Variants in ARL9 observed in about 807,000 individuals in gnomAD.
ARL9 encodes ADP-ribosylation factor-like protein 9.
ARL9 carries 14 observed loss-of-function variants against 27.0 expected under a neutral mutation model. That is an observed-to-expected ratio of 0.52 (90% confidence interval 0.34 to 0.81). The LOEUF (loss-of-function observed/expected upper bound fraction) is 0.81, where lower values mean the gene tolerates loss of function less well. Among genes scored for constraint, ARL9 ranks in the 30% least tolerant of loss-of-function variants. The pLI, the probability that ARL9 is intolerant of heterozygous loss-of-function variation, is 0.01. For synonymous variants in ARL9, 106 were observed against 108.7 expected, an observed-to-expected ratio of 0.98 and a Z score of 0.15; for missense variants, 294 against 290.0, an observed-to-expected ratio of 1.01 and a Z score of -0.10.
intron 2 of ARL9, 73 bp from the exon 3 acceptor site, chr4:56,518,605 C>G: frequency 7.5e-7 from 1 of 1,339,514 alleles, no homozygotes; most frequent in Non-Finnish European, 1.0e-6. Context: ...CTAGATGTGC[C>G]CTCCCTGCTC....
In ARL9 at chr4:56,518,847, CAA is replaced by C. The variant is rs1721841038; in HGVS notation, c.614_615del (p.Lys205ThrfsTer4). On this transcript the variant is annotated frameshift_variant, in exon 3 of 4. Coordinates refer to ENST00000640821, the MANE Select transcript of ARL9 (RefSeq NM_001363794.2). LOFTEE classifies it high-confidence loss of function. Reference protein sequence around the residue: ...PVLPLVVFANKQDLEAAYHIT... With the variant: ...PVLPLVVFANXQDLEAAYHIT... ...TACTTCCTCTGGTTGTGTTTGCAAA[CAA>C]ACAGGTAAAAATCTGTGCAAATATA... is the stretch of plus-strand genomic sequence containing the variant. 1 of 1,612,814 alleles carries C rather than the reference CAA, an allele frequency of 6.2e-7. No homozygotes were observed. Among genetic ancestry groups the C allele is most frequent in the African/African-American group, 1.3e-5 (1 of 74,882 alleles).
intron 2 of ARL9, among the ~76,000 whole-genome samples, chr4:56,515,978 A>T (rs983479088): frequency 2.0e-5 from 3 of 152,210 alleles, no homozygotes; most frequent in African/African-American, 7.2e-5. Flanking sequence ...GCAAAGGGGT[A>T]AAGAAAGCCA....
intron 2 of ARL9, among the ~76,000 whole-genome samples, chr4:56,513,285 G>A (rs1721687834): frequency 6.6e-6 from 1 of 152,194 alleles, no homozygotes; most frequent in Non-Finnish European, 1.5e-5. Flanking sequence ...AACACTTGGA[G>A]TATGTTGGGG....
At chr4:56,508,602 T>C (rs1334169701) in intron 1 of ARL9, among the ~76,000 whole-genome samples, 2 of 152,188 alleles carry the variant, frequency 1.3e-5, no homozygotes, top group African/African-American at 4.8e-5. Flanking sequence ...GTCAGGCTGG[T>C]CTCGAACTCC....
At chr4:56,516,592 AAAAAAAAAAAG>A (rs1352313398) in intron 2 of ARL9, among the ~76,000 whole-genome samples, 1 of 114,768 alleles carries the variant, frequency 8.7e-6, no homozygotes, top group African/African-American at 4.1e-5. Context: ...GGCAAAAAAA[AAAAAAAAAAAG>A]AAAAAGAAAA....
chr4:56,505,734 C>T (rs750141418), upstream of ARL9: 973 of 1,386,558 alleles, frequency 7.0e-4, 1 homozygote, highest in Non-Finnish European at 8.6e-4. Context: ...TGGCAGCGCC[C>T]GCGGGTTGTC....
chr4:56,507,564 G>A (rs1455196173), intron 1 of ARL9, among the ~76,000 whole-genome samples: 1 of 150,464 alleles, frequency 6.6e-6, no homozygotes, highest in Non-Finnish European at 1.5e-5. Flanking sequence ...ATCCACCCGC[G>A]TTGGCCTCCC....
At chr4:56,512,025 C>T (rs1721650666) in intron 2 of ARL9, among the ~76,000 whole-genome samples, 1 of 152,168 alleles carries the variant, frequency 6.6e-6, no homozygotes, top group Non-Finnish European at 1.5e-5. Flanking sequence ...GTTGCTCTAG[C>T]CAGAAACCTG....
chr4:56,505,476 G>T (rs1721424095), upstream of ARL9: 2 of 468,548 alleles, frequency 4.3e-6, no homozygotes, highest in Non-Finnish European at 8.5e-6. Context: ...TGCGGCCCAC[G>T]TGGAAGGCTC....
chr4:56,518,138 G>A (rs986010989), intron 2 of ARL9, among the ~76,000 whole-genome samples: 2 of 151,820 alleles, frequency 1.3e-5, no homozygotes, highest in Non-Finnish European at 2.9e-5. Flanking sequence ...TCTCTAGTCG[G>A]TAGCACCACA....
At chr4:56,519,570 A>G (rs2110153708) in intron 3 of ARL9, among the ~76,000 whole-genome samples, 1 of 152,208 alleles carries the variant, frequency 6.6e-6, no homozygotes, top group Non-Finnish European at 1.5e-5. Context: ...AGATCGCGCC[A>G]CTGCACTCCA....
upstream of ARL9, chr4:56,505,676 A>G (rs1000388816): frequency 4.1e-6 from 4 of 968,872 alleles, no homozygotes; most frequent in Admixed American, 9.3e-5. Context: ...CGGCTGCAAG[A>G]AGCCCTGCAT....
intron 3 of ARL9, among the ~76,000 whole-genome samples, chr4:56,520,134 C>T (rs1245574442): frequency 6.6e-6 from 1 of 152,156 alleles, no homozygotes; most frequent in Non-Finnish European, 1.5e-5. Flanking sequence ...TCCTGAGTAG[C>T]TGGGACTACA....
At chr4:56,523,451 T>C (rs7657758) in intron 3 of ARL9, among the ~76,000 whole-genome samples, 3,986 of 152,288 alleles carry the variant, frequency 0.026, 180 homozygotes, top group African/African-American at 0.091. Flanking sequence ...AAAATTAAGG[T>C]ATTATATTGG....
intron 1 of ARL9, among the ~76,000 whole-genome samples, chr4:56,509,205 T>TC (rs199810586): frequency 2.3e-4 from 31 of 135,772 alleles, no homozygotes; most frequent in African/African-American, 4.6e-4. Context: ...CTTTTTCTTT[T>TC]TTTTGTTTTT....
At chr4:56,522,250 G>A (rs546899998) in intron 3 of ARL9, among the ~76,000 whole-genome samples, 5 of 151,936 alleles carry the variant, frequency 3.3e-5, no homozygotes, top group Non-Finnish European at 5.9e-5. Context: ...GTGAAAACCC[G>A]TCTCTACTAA....
chr4:56,511,778 A>C (rs571566335), intron 2 of ARL9, among the ~76,000 whole-genome samples: 2 of 152,254 alleles, frequency 1.3e-5, no homozygotes, highest in Admixed American at 6.5e-5. Context: ...CACCACCTCT[A>C]AATATTACTG....
chr4:56,522,954 C>T (rs907700803), intron 3 of ARL9, among the ~76,000 whole-genome samples: 3 of 152,144 alleles, frequency 2.0e-5, no homozygotes, highest in Non-Finnish European at 4.4e-5. Context: ...CAAAAGAAAA[C>T]TCACAGTGGC....
chr4:56,520,004 G>A (rs1721871856), intron 3 of ARL9, among the ~76,000 whole-genome samples: 1 of 149,920 alleles, frequency 6.7e-6, no homozygotes, highest in South Asian at 2.1e-4. Flanking sequence ...CACCACTCCT[G>A]ACTTTTTTTT....
Sources: allele counts gnomAD v4.1 joint callset (sites outside exome capture counted in the v4.1 genomes callset), GRCh38; gene constraint gnomAD v4.1.1; transcripts MANE v1.5; gene names NCBI Gene and HGNC (gene_info 2026-07-23, HGNC 2026-07-21).